The following C12orf43 variants were observed in gnomAD, a reference collection of about 807,000 sequenced individuals.
C12orf43 encodes chromosome 12 open reading frame 43.
Under a neutral mutation model 20.6 loss-of-function variants are expected in C12orf43, and 15 were observed. The observed-to-expected ratio is 0.73, with a 90% CI of 0.49 to 1.12. The LOEUF (loss-of-function observed/expected upper bound fraction) is 1.12. Ranked by LOEUF, C12orf43 falls within the 50% of genes most tolerant of loss-of-function variation. The probability of loss-of-function intolerance (pLI) is 0.00; values close to 1 mark genes in which losing one functional copy is unlikely to be tolerated. For missense variants in C12orf43, 334 were observed against 344.4 expected (o/e 0.97, Z 0.24); for synonymous variants, 144 against 130.8 (o/e 1.10, Z -0.69).
chr12:121,014,465 C>CTA lies in C12orf43; in HGVS notation c.145+1863_145+1864dup, dbSNP rs1291892310. On this transcript the variant is annotated intron_variant, in intron 1 of 5. Coordinates refer to ENST00000288757, the MANE Select transcript of C12orf43 (RefSeq NM_022895.3). ...CCAACACGGTGAAACCCTGTCTGTA[C>CTA]TAAAAATACAAAAAATTAGCTGGGC... is the stretch of plus-strand genomic sequence containing the variant. 2.7e-5 allele frequency among the ~76,000 whole-genome samples: 4 copies of CTA among 148,798 alleles called. No individual in the cohort carries two copies. The East Asian group carries it at 8.1e-4, about 30-fold the overall frequency.
intron 1 of C12orf43, among the ~76,000 whole-genome samples, chr12:121,014,491 G>A (rs571192757): frequency 2.6e-4 from 39 of 150,262 alleles, no homozygotes; most frequent in African/African-American, 8.6e-4. Flanking sequence ...TTAGCTGGGC[G>A]TGGTGGCAGG....
In C12orf43 at chr12:121,001,230, T is replaced by TG. The variant is rs776705626; in HGVS notation, c.*2922dup. 1.6e-5 allele frequency: 26 copies of TG among 1,610,712 alleles called. No homozygotes were observed. Among genetic ancestry groups the TG allele is most frequent in the Non-Finnish European group, 1.9e-5 (22 of 1,178,860 alleles). On this transcript the variant is annotated 3_prime_UTR_variant, in exon 6 of 6. Transcript: ENST00000288757. The stretch of plus-strand genomic sequence containing the variant: ...GGCCCTGGGGCCTGTACTGCCTGCT[T>TG]GGGGGGTGATGAGGGCAGCAGCCAG...
Position 121,004,366 on chromosome 12 carries a change from C to T in C12orf43, c.576G>A (p.Lys192=), listed in dbSNP as rs200226647. 27 of 1,614,208 alleles carry T rather than the reference C, an allele frequency of 1.7e-5. No homozygotes were observed. The African/African-American group carries it at 3.5e-4, about 21-fold the overall frequency. The change falls in exon 6 of 6, where the codon AAG becomes AAA. Residue 192 remains lysine (K), a synonymous_variant. Transcript: ENST00000288757. This position sits in a 1 kb window ranked among gnomAD's most constrained non-coding sequence, Gnocchi z 5.6. ...TVEKEAKKKR[K]LKKKAKKVAS... ...CCACCTTCTTGGCTTTCTTTTTCAACTTCCTTTTCTTCTTTGCCTCCTTCT... is the reference window on the plus strand; with the variant it reads ...CCACCTTCTTGGCTTTCTTTTTCAATTTCCTTTTCTTCTTTGCCTCCTTCT...
chr12:121,016,089 G>A, intron 1 of C12orf43, among the ~76,000 whole-genome samples: 1 of 152,200 alleles, frequency 6.6e-6, no homozygotes, highest in East Asian at 1.9e-4. Context: ...GGGCAGTGAG[G>A]ATAGACCCAA....
At position 121,003,962 on chromosome 12, in the gene C12orf43, C is replaced by T. The variant is rs1410368170; in HGVS notation, c.*191G>A. ...GGGCAGGCCTTGATTGGTCTTCTCA[C>T]CCTACAGCCACTTTTTTGGCCCAAC... On this transcript the variant is annotated 3_prime_UTR_variant, in exon 6 of 6. Coordinates refer to ENST00000288757, the MANE Select transcript of C12orf43 (RefSeq NM_022895.3). The T allele has an allele frequency of 1.1e-5, 7 of 650,868 alleles. No individual in the cohort carries two copies. Among genetic ancestry groups the T allele is most frequent in the Non-Finnish European group, 5.4e-6 (2 of 370,496 alleles). The allele number at this position is 650,868 out of a possible 1,614,324, so 40.3% of individuals were successfully genotyped here.
In C12orf43 at chr12:121,004,137, G is replaced by A; in HGVS notation, c.*16C>T. 5.6e-6 allele frequency: 9 copies of A among 1,613,566 alleles called. No individual in the cohort carries two copies. The highest frequency in any genetic ancestry group is 2.7e-5 in the African/African-American group (2 of 75,048). On this transcript the variant is annotated 3_prime_UTR_variant, in exon 6 of 6. Transcript: ENST00000288757. This position sits in a 1 kb window ranked among gnomAD's most constrained non-coding sequence, Gnocchi z 5.6. ...TTGTCCTTGGAGCTGGCTGAGCCCT[G>A]TGCCCATGGCTGGGTTCAGTTTGCA...
chr12:121,010,337 C>T (rs1878353587), intron 3 of C12orf43, among the ~76,000 whole-genome samples: 1 of 152,132 alleles, frequency 6.6e-6, no homozygotes, highest in African/African-American at 2.4e-5. Context: ...AAAATGTGGG[C>T]TTGGAGTCAG....
Position 121,000,612 on chromosome 12 carries a change from T to G in C12orf43, c.*3541A>C. The G allele has an allele frequency of 4.3e-6, 1 of 234,532 alleles. No homozygotes were observed. Among genetic ancestry groups the G allele is most frequent in the South Asian group, 5.7e-5 (1 of 17,422 alleles). 14.5% of individuals were successfully genotyped at this position (234,532 alleles called of 1,614,324 possible). ...GAATTCTGCAGCCTTGAGGCAGAAT[T>G]CCTTCTCTGGGAAACCGGTTTTTGC... On this transcript the variant is annotated 3_prime_UTR_variant, in exon 6 of 6. Coordinates refer to ENST00000288757, the MANE Select transcript of C12orf43 (RefSeq NM_022895.3).
intron 1 of C12orf43, among the ~76,000 whole-genome samples, chr12:121,013,469 A>G (rs1417768678): frequency 4.6e-5 from 7 of 152,180 alleles, no homozygotes; most frequent in African/African-American, 1.4e-4. Flanking sequence ...TTCTGGAGTC[A>G]GTGTTGTGGA....
rs941605122 is a variant in C12orf43 at position 121,002,618 on chromosome 12, C to G, written c.*1535G>C. 5 of 374,218 alleles carry G rather than the reference C, an allele frequency of 1.3e-5. No homozygotes were observed. Among genetic ancestry groups the G allele is most frequent in the East Asian group, 5.9e-5 (1 of 17,090 alleles). 23.2% of individuals were successfully genotyped at this position (374,218 alleles called of 1,614,324 possible). ...GGAGACAGGCTCCAGCACCCACGCT[C>G]TCACACCCCACATCTCTGCTTTTCT... On this transcript the variant is annotated 3_prime_UTR_variant, in exon 6 of 6. Transcript: ENST00000288757.
At position 121,011,131 on chromosome 12, in the gene C12orf43, T is replaced by TCGGTTGGGAGGTTGGGA; in HGVS notation, c.160_161insTCCCAACCTCCCAACCG (p.Gln54LeufsTer19). 6.2e-7 allele frequency: 1 copy of TCGGTTGGGAGGTTGGGA among 1,614,046 alleles called. No individual in the cohort carries two copies. Among genetic ancestry groups the TCGGTTGGGAGGTTGGGA allele is most frequent in the Non-Finnish European group, 8.5e-7 (1 of 1,179,984 alleles). On this transcript the variant is annotated frameshift_variant, in exon 2 of 6. Transcript: ENST00000288757. LOFTEE classifies it high-confidence loss of function. ...GAGGCTCGGTTGGGAGGTTGACAAC[T>TCGGTTGGGAGGTTGGGA]GGCTATTTGCAGCACCTGTGGAAAA...
chr12:121,004,343 A>G lies in C12orf43; in HGVS notation c.599T>C (p.Val200Ala). ...AGCGACAGCCGAGTCGACACTGGCCACCTTCTTGGCTTTCTTTTTCAACTT... is the reference window on the plus strand; with the variant it reads ...AGCGACAGCCGAGTCGACACTGGCCGCCTTCTTGGCTTTCTTTTTCAACTT... Reference protein sequence around the residue: ...KRKLKKKAKKVASVDSAVAAT... With the variant: ...KRKLKKKAKKAASVDSAVAAT... Residue 200 changes from valine (V) to alanine (A), a missense_variant, in exon 6 of 6, where the codon GTG becomes GCG. Coordinates refer to ENST00000288757, the MANE Select transcript of C12orf43 (RefSeq NM_022895.3). The surrounding 1 kb of genome is among the most constrained non-coding windows in gnomAD (Gnocchi z 5.6). The G allele has an allele frequency of 6.2e-7, 1 of 1,614,056 alleles. No homozygotes were observed. The highest frequency in any genetic ancestry group is 1.1e-5 in the South Asian group (1 of 91,076).
chr12:121,012,521 G>C (rs911022356), intron 1 of C12orf43: 2 of 701,866 alleles, frequency 2.8e-6, no homozygotes, highest in Non-Finnish European at 5.2e-6. Flanking sequence ...TAATTGATGT[G>C]GTGAGAAGTG....
In C12orf43 at chr12:121,016,423, T is replaced by C. The variant is rs780076576; in HGVS notation, c.52A>G (p.Ser18Gly). The C allele has an allele frequency of 1.2e-6, 2 of 1,614,068 alleles. No homozygotes were observed. The highest frequency in any genetic ancestry group is 4.5e-5 in the East Asian group (2 of 44,884). The change falls in exon 1 of 6, where the codon AGC becomes GGC. Residue 18 changes from serine (S) to glycine (G), a missense_variant. Transcript: ENST00000288757. The stretch of plus-strand genomic sequence containing the variant: ...CACCGCTCCAGCTCCTCCGCATCGC[T>C]ACTGCTGTTACTACTTTCCGAATCG... Reference protein sequence around the residue: ...VSDSESSNSSSDAEELERCRE... With the variant: ...VSDSESSNSSGDAEELERCRE...
At position 121,003,781 on chromosome 12, in the gene C12orf43, T is replaced by A. The variant is rs1019746648; in HGVS notation, c.*372A>T. ...CAGGCTAAGGAGGTGGTGGGGAAGG[T>A]CTCCCTTCCCCTGCCCACCTCAGAC... is the stretch of plus-strand genomic sequence containing the variant. On this transcript the variant is annotated 3_prime_UTR_variant, in exon 6 of 6. Coordinates refer to ENST00000288757, the MANE Select transcript of C12orf43 (RefSeq NM_022895.3). The A allele has an allele frequency of 4.4e-6, 1 of 226,364 alleles. No individual in the cohort carries two copies. Among genetic ancestry groups the A allele is most frequent in the Non-Finnish European group, 8.7e-6 (1 of 114,936 alleles). 14.0% of individuals were successfully genotyped at this position (226,364 alleles called of 1,614,324 possible). A position where few individuals can be genotyped will look rare whatever the true frequency, so the allele number is the denominator to read the frequency against.
intron 2 of C12orf43, 77 bp from the exon 3 acceptor site, chr12:121,011,003 T>C: frequency 1.3e-6 from 2 of 1,593,468 alleles, no homozygotes; most frequent in South Asian, 2.2e-5. Flanking sequence ...CATGTGTGTC[T>C]TGTTCACCTG....
In C12orf43 at chr12:121,004,722, C is replaced by T. The variant is rs569942982; in HGVS notation, c.453-233G>A. On this transcript the variant is annotated intron_variant, in intron 5 of 5. Transcript: ENST00000288757. This position sits in a 1 kb window ranked among gnomAD's most constrained non-coding sequence, Gnocchi z 5.6. ...CTCTCTGACTGTATCATCTCTAAAACGGGGATCTTAACAGAGTCCAGGCCT... is the reference window on the plus strand; with the variant it reads ...CTCTCTGACTGTATCATCTCTAAAATGGGGATCTTAACAGAGTCCAGGCCT... 9.8e-5 allele frequency among the ~76,000 whole-genome samples: 15 copies of T among 152,308 alleles called. No homozygotes were observed. Among genetic ancestry groups the T allele is most frequent in the Non-Finnish European group, 1.6e-4 (11 of 68,018 alleles).
Position 121,003,866 on chromosome 12 carries a change from C to T in C12orf43, c.*287G>A, listed in dbSNP as rs1877730107. On this transcript the variant is annotated 3_prime_UTR_variant, in exon 6 of 6. Transcript: ENST00000288757. ...ACTAGTCTCAAATAACTGGAAGGTTCCTTTTTTCCTGAGGTCATGAAATGT... is the reference window on the plus strand; with the variant it reads ...ACTAGTCTCAAATAACTGGAAGGTTTCTTTTTTCCTGAGGTCATGAAATGT... 1 of 496,982 alleles carries T rather than the reference C, an allele frequency of 2.0e-6. No homozygotes were observed. Among genetic ancestry groups the T allele is most frequent in the Non-Finnish European group, 3.6e-6 (1 of 275,026 alleles). The allele number at this position is 496,982 out of a possible 1,614,324, so 30.8% of individuals were successfully genotyped here. A position where few individuals can be genotyped will look rare whatever the true frequency, so the allele number is the denominator to read the frequency against.
rs1031473529 is a variant in C12orf43 at position 121,000,737 on chromosome 12, G to A, written c.*3416C>T. The A allele has an allele frequency of 7.5e-6, 3 of 400,718 alleles. No homozygotes were observed. The highest frequency in any genetic ancestry group is 1.0e-4 in the East Asian group (2 of 19,536). The allele number at this position is 400,718 out of a possible 1,614,324, so 24.8% of individuals were successfully genotyped here. Reference sequence around the variant, plus strand: ...TTGTGGCATTAACCACATCTACAAAGCACCTGCATTCACAGCAGCGCCTAG... The same window carrying A: ...TTGTGGCATTAACCACATCTACAAAACACCTGCATTCACAGCAGCGCCTAG... On this transcript the variant is annotated 3_prime_UTR_variant, in exon 6 of 6. Transcript: ENST00000288757.
Sources: gnomAD v4.1 joint callset for allele counts (sites outside exome capture counted in the v4.1 genomes callset) on GRCh38, gnomAD v4.1.1 for gene constraint, Gnocchi (gnomAD v3.1) non-coding constraint, MANE v1.5 for transcripts, NCBI Gene and HGNC (gene_info 2026-07-23, HGNC 2026-07-21) for gene names.